The following SP5 variants were observed in gnomAD, a reference collection of about 807,000 sequenced individuals.
SP5 encodes the protein Sp5 transcription factor.
In SP5, 12 loss-of-function variants were observed where a neutral mutation model predicts 27.4. That is an observed-to-expected ratio of 0.44 (90% confidence interval 0.28 to 0.71). SP5 has a LOEUF of 0.71. SP5 is among the 30% of genes least tolerant of loss of function. SP5 has a pLI of 0.15. For synonymous variants in SP5, 330 were observed against 290.7 expected (o/e 1.14, Z -1.38); for missense variants, 660 against 589.8 (o/e 1.12, Z -1.23).
At position 170,717,026 on chromosome 2, in the gene SP5, C is replaced by T. The variant is rs1170738689; in HGVS notation, c.819C>T (p.Arg273=). 2 of 1,547,286 alleles carry T rather than the reference C, an allele frequency of 1.3e-6. No individual in the cohort carries two copies. The highest frequency in any genetic ancestry group is 1.7e-6 in the Non-Finnish European group (2 of 1,146,208). The change falls in exon 2 of 2, where the codon CGC becomes CGT. Residue 273 remains arginine (R), a synonymous_variant. Transcript: ENST00000375281. ...PLAATARRCR[R]CRCPNCQAAG... is the part of the protein sequence containing the mutation. ...CGGCCACGGCCAGGAGGTGCCGCCG[C>T]TGCCGCTGTCCCAACTGCCAGGCGG...
chr2:170,715,951 C>G (rs1700055608), intron 1 of SP5: 2 of 1,345,752 alleles, frequency 1.5e-6, no homozygotes, highest in Non-Finnish European at 1.9e-6. Flanking sequence ...ACCACGGAGC[C>G]GGGAGGGGCC....
At position 170,716,043 on chromosome 2, in the gene SP5, G is replaced by T. The variant is rs1263328081; in HGVS notation, c.52-216G>T. On this transcript the variant is annotated intron_variant, in intron 1 of 1. Transcript: ENST00000375281. ...CTCAGTGCACCAAGTAGTTTAGCAA[G>T]AAGCGCTCGCGGGCCCCACGTTCAG... 5.0e-6 allele frequency: 7 copies of T among 1,394,098 alleles called. No individual in the cohort carries two copies. In the East Asian group the frequency reaches 2.0e-4, roughly 40 times the overall value. The allele number at this position is 1,394,098 out of a possible 1,614,324, so 86.4% of individuals were successfully genotyped here. A position where few individuals can be genotyped will look rare whatever the true frequency, so the allele number is the denominator to read the frequency against.
At position 170,716,575 on chromosome 2, in the gene SP5, A is replaced by G. The variant is rs1028230275; in HGVS notation, c.368A>G (p.Tyr123Cys). 1.2e-6 allele frequency: 2 copies of G among 1,609,748 alleles called. No individual in the cohort carries two copies. The highest frequency in any genetic ancestry group is 1.7e-6 in the Non-Finnish European group (2 of 1,178,686). Residue 123 changes from tyrosine (Y) to cysteine (C), a missense_variant, in exon 2 of 2, where the codon TAC (tyrosine) becomes TGC (cysteine). Transcript: ENST00000375281. Reference protein sequence around the residue: ...LTPPADPSYPYEFSPVKMLPS... With the variant: ...LTPPADPSYPCEFSPVKMLPS... Reference sequence around the variant, plus strand: ...CCCCCCGCCGACCCCTCGTACCCCTACGAGTTCTCGCCGGTCAAGATGCTG... The same window carrying G: ...CCCCCCGCCGACCCCTCGTACCCCTGCGAGTTCTCGCCGGTCAAGATGCTG...
chr2:170,716,862 G>C lies in SP5; in HGVS notation c.655G>C (p.Ala219Pro), dbSNP rs1377147736. ...LSGACAGAPH[A>P]PRFPASAAAA... ...CGGCGCCTGTGCCGGGGCCCCCCAC[G>C]CGCCCCGCTTCCCCGCCTCTGCGGC... Residue 219 changes from alanine to proline, a missense_variant, in exon 2 of 2, where the codon GCG becomes CCG. Coordinates refer to ENST00000375281, the MANE Select transcript of SP5 (RefSeq NM_001003845.3). The C allele has an allele frequency of 2.1e-6, 3 of 1,458,054 alleles. No homozygotes were observed. Among genetic ancestry groups the C allele is most frequent in the Non-Finnish European group, 2.7e-6 (3 of 1,108,806 alleles). The allele number at this position is 1,458,054 out of a possible 1,614,324, so 90.3% of individuals were successfully genotyped here.
chr2:170,716,583 T>C lies in SP5; in HGVS notation c.376T>C (p.Ser126Pro). 1 of 1,610,256 alleles carries C rather than the reference T, an allele frequency of 6.2e-7. No homozygotes were observed. Among genetic ancestry groups the C allele is most frequent in the Non-Finnish European group, 8.5e-7 (1 of 1,178,840 alleles). The change falls in exon 2 of 2, where the codon TCG (serine) becomes CCG (proline). Residue 126 changes from serine to proline, a missense_variant. Transcript: ENST00000375281. The stretch of plus-strand genomic sequence containing the variant: ...CGACCCCTCGTACCCCTACGAGTTC[T>C]CGCCGGTCAAGATGCTGCCCTCGAG... ...PADPSYPYEF[S>P]PVKMLPSSMA...
At chr2:170,716,172 C>G in intron 1 of SP5, 87 bp from the exon 2 acceptor site, 1 of 1,474,406 alleles carries the variant, frequency 6.8e-7, no homozygotes. Flanking sequence ...GGTATAATAG[C>G]GGGCGTGGGG....
At chr2:170,715,951 C>T in intron 1 of SP5, 1 of 1,345,870 alleles carries the variant, frequency 7.4e-7, no homozygotes, top group Non-Finnish European at 9.5e-7. Context: ...ACCACGGAGC[C>T]GGGAGGGGCC....
chr2:170,716,108 C>A (rs1303440277), intron 1 of SP5, 151 bp from the exon 2 acceptor site: 10 of 1,392,664 alleles, frequency 7.2e-6, no homozygotes, highest in Non-Finnish European at 9.2e-6. Flanking sequence ...CCGGTGGGTG[C>A]GTGCGTGGGG....
rs1311658826 is a variant in SP5 at position 170,717,748 on chromosome 2, A to G, written c.*344A>G. 5.7e-6 allele frequency: 2 copies of G among 349,364 alleles called. No individual in the cohort carries two copies. Among genetic ancestry groups the G allele is most frequent in the Admixed American group, 4.6e-5 (1 of 21,764 alleles). The allele number at this position is 349,364 out of a possible 1,614,324, so 21.6% of individuals were successfully genotyped here. On this transcript the variant is annotated 3_prime_UTR_variant, in exon 2 of 2. Coordinates refer to ENST00000375281, the MANE Select transcript of SP5 (RefSeq NM_001003845.3). ...GGAAATGCTGCTGAACTGAATAGAA[A>G]GGAACTTGGGAGATTTGAAACAGTG...
Position 170,716,095 on chromosome 2 carries a change from C to T in SP5, c.52-164C>T, listed in dbSNP as rs1419788985. On this transcript the variant is annotated intron_variant, in intron 1 of 1. Transcript: ENST00000375281. ...TAGCGCAGGCACCAAAAGTTTCCCT[C>T]GGCCGGTGGGTGCGTGCGTGGGGTG... 3.6e-6 allele frequency: 5 copies of T among 1,398,312 alleles called. No individual in the cohort carries two copies. In the Admixed American group the frequency reaches 9.5e-5, roughly 27 times the overall value. 86.6% of individuals were successfully genotyped at this position (1,398,312 alleles called of 1,614,324 possible).
Position 170,716,549 on chromosome 2 carries a change from A to G in SP5, c.342A>G (p.Thr114=). The G allele has an allele frequency of 6.3e-7, 1 of 1,596,780 alleles. No individual in the cohort carries two copies. The highest frequency in any genetic ancestry group is 8.5e-7 in the Non-Finnish European group (1 of 1,172,896). Residue 114 remains threonine (T), a synonymous_variant, in exon 2 of 2, where the codon ACA becomes ACG. Coordinates refer to ENST00000375281, the MANE Select transcript of SP5 (RefSeq NM_001003845.3). Reference sequence around the variant, plus strand: ...GGGCTGCGCACGAGCTTCCCCTTACACCCCCCGCCGACCCCTCGTACCCCT... The same window carrying G: ...GGGCTGCGCACGAGCTTCCCCTTACGCCCCCCGCCGACCCCTCGTACCCCT... The part of the protein sequence containing the change: ...SFGAAHELPL[T]PPADPSYPYE...
In SP5 at chr2:170,716,647, T is replaced by TGCCCTACGC; in HGVS notation, c.442_450dup (p.Pro148_Ala150dup). On this transcript the variant is annotated inframe_insertion, in exon 2 of 2. Coordinates refer to ENST00000375281, the MANE Select transcript of SP5 (RefSeq NM_001003845.3). ...CCCGCCAGCTGCGCGCCCGCCTACG[T>TGCCCTACGC]GCCCTACGCGGCGCAGGCCGCGCTG... is the stretch of plus-strand genomic sequence containing the variant. 1 of 1,604,926 alleles carries TGCCCTACGC rather than the reference T, an allele frequency of 6.2e-7. No homozygotes were observed. The highest frequency in any genetic ancestry group is 8.5e-7 in the Non-Finnish European group (1 of 1,177,262).
rs761431885 is a variant in SP5, at chr2:170,717,215, C to G, written c.1008C>G (p.Ser336Arg). 1.2e-6 allele frequency: 2 copies of G among 1,608,882 alleles called. No homozygotes were observed. Among genetic ancestry groups the G allele is most frequent in the Admixed American group, 3.4e-5 (2 of 59,700 alleles). ...GCAACTGGCTCTTCTGCGGGAAGAG[C>G]TTCACGCGCTCGGACGAGCTGCAGC... The part of the protein sequence containing the change: ...FVCNWLFCGK[S>R]FTRSDELQRH... Residue 336 changes from serine (S) to arginine (R), a missense_variant, in exon 2 of 2, where the codon AGC becomes AGG. Physicochemically the swap from Ser to Arg is moderately radical, Grantham distance 110. Coordinates refer to ENST00000375281, the MANE Select transcript of SP5 (RefSeq NM_001003845.3).
At position 170,717,426 on chromosome 2, in the gene SP5, C is replaced by T. The variant is rs770749676; in HGVS notation, c.*22C>T. On this transcript the variant is annotated 3_prime_UTR_variant, in exon 2 of 2. Coordinates refer to ENST00000375281, the MANE Select transcript of SP5 (RefSeq NM_001003845.3). ...GTGAGCCCTCCCGGAGGTGGACCCC[C>T]TTCCCAGCACCTCTGCGAGAGATCC... 6.2e-7 allele frequency: 1 copy of T among 1,606,890 alleles called. No individual in the cohort carries two copies. The highest frequency in any genetic ancestry group is 8.5e-7 in the Non-Finnish European group (1 of 1,179,194).
chr2:170,715,407 C>G lies in SP5; in HGVS notation c.-106C>G. On this transcript the variant is annotated 5_prime_UTR_variant, in exon 1 of 2. Coordinates refer to ENST00000375281, the MANE Select transcript of SP5 (RefSeq NM_001003845.3). Reference sequence around the variant, plus strand: ...GCGGGGAGGGCCCCGGCGCTCAGAGCAGGCGCCAGGGAGGCAGGCTGGGCG... The same window carrying G: ...GCGGGGAGGGCCCCGGCGCTCAGAGGAGGCGCCAGGGAGGCAGGCTGGGCG... 2.1e-6 allele frequency: 3 copies of G among 1,445,376 alleles called. No homozygotes were observed. The highest frequency in any genetic ancestry group is 2.8e-6 in the Non-Finnish European group (3 of 1,085,986). The allele number at this position is 1,445,376 out of a possible 1,614,324, so 89.5% of individuals were successfully genotyped here.
At chr2:170,716,087 G>T in intron 1 of SP5, 172 bp from the exon 2 acceptor site, 3 of 1,403,268 alleles carry the variant, frequency 2.1e-6, no homozygotes, top group Non-Finnish European at 2.8e-6. Context: ...GGCACCAAAA[G>T]TTTCCCTCGG....
rs1700070834 is a variant in SP5, at chr2:170,716,494, C to A, written c.287C>A (p.Pro96Gln). ...CCGCATCCCAGCTTGGGGCTGACGC[C>A]GCAGAAGACGCACCTGCAGCCGTCC... The part of the protein sequence containing the change: ...PPPHPSLGLT[P>Q]QKTHLQPSFG... Residue 96 changes from proline to glutamine, a missense_variant, in exon 2 of 2, where the codon CCG (proline) becomes CAG (glutamine). Transcript: ENST00000375281. The A allele has an allele frequency of 1.2e-6, 2 of 1,610,114 alleles. No individual in the cohort carries two copies. Among genetic ancestry groups the A allele is most frequent in the Non-Finnish European group, 1.7e-6 (2 of 1,179,330 alleles).
Position 170,716,784 on chromosome 2 carries a change from C to A in SP5, c.577C>A (p.Pro193Thr). ...APDDLPWWSI[P>T]QAGAGPGASG... is the part of the protein sequence containing the mutation. Reference sequence around the variant, plus strand: ...CGACGACCTCCCGTGGTGGAGCATCCCGCAGGCGGGCGCCGGGCCGGGGGC... The same window carrying A: ...CGACGACCTCCCGTGGTGGAGCATCACGCAGGCGGGCGCCGGGCCGGGGGC... Residue 193 changes from proline (P) to threonine (T), a missense_variant, in exon 2 of 2, where the codon CCG becomes ACG. Transcript: ENST00000375281. 2 of 1,421,318 alleles carry A rather than the reference C, an allele frequency of 1.4e-6. No homozygotes were observed. Among genetic ancestry groups the A allele is most frequent in the Non-Finnish European group, 1.8e-6 (2 of 1,092,170 alleles). 88.0% of individuals were successfully genotyped at this position (1,421,318 alleles called of 1,614,324 possible). A position where few individuals can be genotyped will look rare whatever the true frequency, so the allele number is the denominator to read the frequency against.
At chr2:170,715,671 T>C (rs369910679) in intron 1 of SP5, 108 bp downstream of exon 1, 1 of 1,468,390 alleles carries the variant, frequency 6.8e-7, no homozygotes, top group East Asian at 2.8e-5. Context: ...CGCCGATGGG[T>C]GCAGCTGGAG....
Sources: allele counts gnomAD v4.1 joint callset, GRCh38; gene constraint gnomAD v4.1.1; transcripts MANE v1.5; gene names NCBI Gene and HGNC (gene_info 2026-07-23, HGNC 2026-07-21).